The following CCDC91 variants were observed in gnomAD, a reference collection of about 807,000 sequenced individuals.
CCDC91 encodes the protein coiled-coil domain-containing protein 91.
CCDC91 carries 48 observed loss-of-function variants against 63.2 expected under a neutral mutation model. The observed-to-expected ratio is 0.76, with a 90% CI of 0.60 to 0.97. The LOEUF is 0.97. Among genes scored for constraint, CCDC91 ranks in the 50% least tolerant of loss-of-function variants. CCDC91 has a pLI of 0.00. For synonymous variants in CCDC91, 167 were observed against 165.8 expected, an observed-to-expected ratio of 1.01 and a Z score of -0.06; for missense variants, 500 against 494.6, an observed-to-expected ratio of 1.01 and a Z score of -0.10.
At chr12:28,281,944 AT>A (rs1454161662) in intron 3 of CCDC91, among the ~76,000 whole-genome samples, 1 of 152,140 alleles carries the variant, frequency 6.6e-6, no homozygotes, top group African/African-American at 2.4e-5. Flanking sequence ...TTATCTGTGC[AT>A]GTATAGAAAA....
At chr12:28,249,881 A>C (rs1348978399) in intron 1 of CCDC91, among the ~76,000 whole-genome samples, 1 of 152,196 alleles carries the variant, frequency 6.6e-6, no homozygotes, top group Non-Finnish European at 1.5e-5. Context: ...ATTTTGCCAG[A>C]TAAGAATACA....
At chr12:28,546,240 G>C (rs1212179595) in intron 12 of CCDC91, among the ~76,000 whole-genome samples, 1 of 151,936 alleles carries the variant, frequency 6.6e-6, no homozygotes, top group Non-Finnish European at 1.5e-5. Context: ...ATATACCGCT[G>C]AGTTCTGCTT....
intron 12 of CCDC91, among the ~76,000 whole-genome samples, chr12:28,489,307 A>G (rs1187191443): frequency 6.6e-6 from 1 of 151,966 alleles, no homozygotes; most frequent in Non-Finnish European, 1.5e-5. Context: ...CATTAGTGCC[A>G]TAAATTTTAT....
intron 8 of CCDC91, among the ~76,000 whole-genome samples, chr12:28,439,726 CTTTTTTCT>C (rs1325566178): frequency 3.1e-5 from 4 of 129,710 alleles, no homozygotes; most frequent in Non-Finnish European, 7.0e-5. Context: ...TTTTTTCTTT[CTTTTTTCT>C]TTTTTTTTTT....
intron 12 of CCDC91, among the ~76,000 whole-genome samples, chr12:28,529,023 G>GTA (rs990244399): frequency 7.9e-5 from 12 of 151,596 alleles, no homozygotes; most frequent in Admixed American, 2.6e-4. Flanking sequence ...ATGTATGTAT[G>GTA]TATATATATA....
intron 12 of CCDC91, among the ~76,000 whole-genome samples, chr12:28,534,608 G>A (rs779186486): frequency 2.0e-5 from 3 of 152,062 alleles, no homozygotes; most frequent in Admixed American, 6.6e-5. Flanking sequence ...CTCCCTGGAG[G>A]CCTCAATCCT....
At chr12:28,451,242 G>T (rs1473032561) in intron 10 of CCDC91, among the ~76,000 whole-genome samples, 1 of 151,610 alleles carries the variant, frequency 6.6e-6, no homozygotes, top group East Asian at 1.9e-4. Flanking sequence ...GCTAGAGGCA[G>T]GGAAAGAATT....
chr12:28,379,930 T>G (rs1945186221), intron 7 of CCDC91, among the ~76,000 whole-genome samples: 1 of 152,076 alleles, frequency 6.6e-6, no homozygotes, highest in South Asian at 2.1e-4. Context: ...AGTTAGTAAC[T>G]TAACCCAGTG....
chr12:28,367,059 A>G (rs776612947), intron 7 of CCDC91, among the ~76,000 whole-genome samples: 13 of 152,228 alleles, frequency 8.5e-5, no homozygotes, highest in Non-Finnish European at 1.8e-4. Flanking sequence ...CAATTAAAAA[A>G]TACTTATATA....
Position 28,199,887 on chromosome 12 carries a change from A to T in CCDC91, c.-15+9246A>T, listed in dbSNP as rs542282075. ...TTCAGTATTCTCTCTTTATGTTTCG[A>T]AAGTTTGGTTATGATGTGTTACAGT... On this transcript the variant is annotated intron_variant, in intron 1 of 12. Transcript: ENST00000536442. Among the ~76,000 whole-genome samples the T allele has an allele frequency of 9.9e-5, 15 of 152,182 alleles. No homozygotes were observed. The South Asian group carries it at 1.7e-3, about 17-fold the overall frequency.
intron 8 of CCDC91, among the ~76,000 whole-genome samples, chr12:28,403,621 T>G (rs1946765766): frequency 6.6e-6 from 1 of 152,064 alleles, no homozygotes; most frequent in Non-Finnish European, 1.5e-5. Flanking sequence ...TACCATGAAC[T>G]TGGTGGCTAG....
intron 7 of CCDC91, among the ~76,000 whole-genome samples, chr12:28,382,294 T>G (rs1945341659): frequency 6.6e-6 from 1 of 151,316 alleles, no homozygotes; most frequent in Non-Finnish European, 1.5e-5. Flanking sequence ...AAAATAATAT[T>G]TATAATAAAT....
intron 11 of CCDC91, among the ~76,000 whole-genome samples, chr12:28,456,811 G>T (rs1346662500): frequency 2.0e-5 from 3 of 152,082 alleles, no homozygotes; most frequent in Non-Finnish European, 2.9e-5. Context: ...TGTTGAGTAG[G>T]CAGTTAGAAA....
chr12:28,215,547 A>G (rs1592007189), intron 1 of CCDC91, among the ~76,000 whole-genome samples: 1 of 152,174 alleles, frequency 6.6e-6, no homozygotes, highest in Non-Finnish European at 1.5e-5. Flanking sequence ...TTACCACTGT[A>G]TCTATTAAGA....
chr12:28,389,863 A>G (rs1945828271), intron 7 of CCDC91, among the ~76,000 whole-genome samples: 1 of 152,134 alleles, frequency 6.6e-6, no homozygotes, highest in Non-Finnish European at 1.5e-5. Context: ...AAATCCCAAC[A>G]AATGGTATGT....
At chr12:28,268,602 T>A in intron 3 of CCDC91, 1 of 955,782 alleles carries the variant, frequency 1.0e-6, no homozygotes, top group Non-Finnish European at 1.2e-6. Context: ...GAATTCTTCT[T>A]GTTCGTTAGA....
rs183421098 is a variant in CCDC91 at position 28,275,644 on chromosome 12, C to G, written c.109+16202C>G. On this transcript the variant is annotated intron_variant, in intron 3 of 12. Coordinates refer to ENST00000536442, the MANE Select transcript of CCDC91 (RefSeq NM_018318.5). ...TATGAGGCCAGCATCATCCTGATAC[C>G]AAAGTCTGGCAGAGACACAACAAAA... Among the ~76,000 whole-genome samples the G allele has an allele frequency of 4.6e-3, 700 of 152,108 alleles. 6 individuals carry two copies. The highest frequency in any genetic ancestry group is 0.016 in the African/African-American group (658 of 41,494).
chr12:28,314,378 A>C (rs1939628670), intron 6 of CCDC91, among the ~76,000 whole-genome samples: 1 of 152,028 alleles, frequency 6.6e-6, no homozygotes. Flanking sequence ...AGTACTAATC[A>C]GGTGTTGGAC....
intron 12 of CCDC91, among the ~76,000 whole-genome samples, chr12:28,535,565 G>A (rs1027141800): frequency 6.6e-6 from 1 of 152,146 alleles, no homozygotes; most frequent in Non-Finnish European, 1.5e-5. Flanking sequence ...GTTGCAGTGT[G>A]CACTTGGATA....
Sources: gnomAD v4.1 joint callset for allele counts (sites outside exome capture counted in the v4.1 genomes callset) on GRCh38, gnomAD v4.1.1 for gene constraint, MANE v1.5 for transcripts, NCBI Gene and HGNC (gene_info 2026-07-23, HGNC 2026-07-21) for gene names.